DYSF: variants seen among roughly 807,000 people sequenced by gnomAD.
The protein encoded by DYSF is dystrophy-associated fer-1-like 1.
DYSF carries 212 observed loss-of-function variants against 274.9 expected under a neutral mutation model. The ratio of observed to expected loss-of-function variants is 0.77; its 90% confidence interval spans 0.69 to 0.86. The LOEUF (loss-of-function observed/expected upper bound fraction) is 0.86, where lower values mean the gene tolerates loss of function less well. DYSF is among the 40% of genes least tolerant of loss of function. The probability of loss-of-function intolerance (pLI) is 0.00; values close to 1 mark genes in which losing one functional copy is unlikely to be tolerated. For missense variants in DYSF, 2,666 were observed against 2,783.2 expected, an observed-to-expected ratio of 0.96 and a Z score of 0.95; for synonymous variants, 1,091 against 1,078.7, an observed-to-expected ratio of 1.01 and a Z score of -0.22.
At chr2:71,663,972 C>T (rs754293253) in intron 45 of DYSF, among the ~76,000 whole-genome samples, 5 of 152,196 alleles carry the variant, frequency 3.3e-5, no homozygotes, top group Non-Finnish European at 5.9e-5. Context: ...CTCCTGGTGT[C>T]GTGGTCAAAG....
intron 17 of DYSF, among the ~76,000 whole-genome samples, chr2:71,546,133 C>T (rs1007246684): frequency 5.3e-5 from 8 of 152,254 alleles, no homozygotes; most frequent in Non-Finnish European, 5.9e-5. Flanking sequence ...GGGCCAGGGC[C>T]TCTCTCCGGC....
At position 71,548,440 on chromosome 2, in the gene DYSF, A is replaced by T. The variant is rs147068934; in HGVS notation, c.1577-2601A>T. 2.0e-3 allele frequency among the ~76,000 whole-genome samples: 300 copies of T among 152,308 alleles called. 2 individuals are homozygous for T. The highest frequency in any genetic ancestry group is 6.4e-3 in the African/African-American group (266 of 41,566). On this transcript the variant is annotated intron_variant, in intron 17 of 55. Coordinates refer to ENST00000410020, the MANE Select transcript of DYSF (RefSeq NM_001130987.2). ...TTCACCAACCACATCCCGGGTGTGC[A>T]CGTGACCTCAGACTGCGTTACACTT...
intron 32 of DYSF, among the ~76,000 whole-genome samples, chr2:71,590,676 C>T (rs1337718534): frequency 6.6e-6 from 1 of 152,182 alleles, no homozygotes; most frequent in Non-Finnish European, 1.5e-5. Flanking sequence ...ACTTCTCCAC[C>T]TTCACTCACC....
intron 16 of DYSF, among the ~76,000 whole-genome samples, chr2:71,537,231 T>TTTTTG (rs2089456775): frequency 1.4e-5 from 2 of 140,372 alleles, no homozygotes; most frequent in Non-Finnish European, 3.1e-5. Flanking sequence ...TTGTTTTTTT[T>TTTTTG]TTTTTTTTTT....
At chr2:71,617,712 TGGG>T (rs1558634691) in intron 40 of DYSF, among the ~76,000 whole-genome samples, 1 of 51,806 alleles carries the variant, frequency 1.9e-5, no homozygotes, top group Non-Finnish European at 4.1e-5. Flanking sequence ...GTGGTAGAGG[TGGG>T]GTGTGTGTGT....
chr2:71,613,614 G>A (rs1477946279), intron 40 of DYSF, among the ~76,000 whole-genome samples: 1 of 152,186 alleles, frequency 6.6e-6, no homozygotes, highest in Non-Finnish European at 1.5e-5. Context: ...GCTCATCTGG[G>A]CAAGACTCAA....
At chr2:71,482,861 C>T (rs1265422704) in intron 3 of DYSF, among the ~76,000 whole-genome samples, 1 of 152,066 alleles carries the variant, frequency 6.6e-6, no homozygotes, top group Non-Finnish European at 1.5e-5. Flanking sequence ...GAGGTCTAGG[C>T]CCAAGCATCA....
chr2:71,458,382 A>G (rs2081155778), intron 1 of DYSF, among the ~76,000 whole-genome samples: 1 of 152,172 alleles, frequency 6.6e-6, no homozygotes, highest in South Asian at 2.1e-4. Context: ...TTCTATCCTC[A>G]GCTTTGTTTC....
At chr2:71,526,418 T>TGGGGGGGGGGG in intron 13 of DYSF, 72 bp downstream of exon 13, 9 of 261,482 alleles carry the variant, frequency 3.4e-5, no homozygotes, top group East Asian at 9.4e-5. Flanking sequence ...GGGTGGGCGA[T>TGGGGGGGGGGG]GGCGGGCGGG....
chr2:71,545,514 AAGG>A (rs2090396082), intron 17 of DYSF, among the ~76,000 whole-genome samples: 1 of 152,148 alleles, frequency 6.6e-6, no homozygotes, highest in African/African-American at 2.4e-5. Context: ...GATAGTTTCT[AAGG>A]AGGGCTGTCT....
chr2:71,659,097 AC>A, intron 44 of DYSF, 64 bp downstream of exon 44: 1 of 1,605,470 alleles, frequency 6.2e-7, no homozygotes, highest in Non-Finnish European at 8.5e-7. Flanking sequence ...GGCCTATAGA[AC>A]CTGGACACAA....
chr2:71,515,093 C>A (rs1029539717), intron 7 of DYSF, among the ~76,000 whole-genome samples: 1 of 151,950 alleles, frequency 6.6e-6, no homozygotes, highest in East Asian at 1.9e-4. Context: ...AATATCTTAC[C>A]TAATATTTGG....
At chr2:71,608,870 A>G (rs2093696570) in intron 36 of DYSF, among the ~76,000 whole-genome samples, 1 of 151,822 alleles carries the variant, frequency 6.6e-6, no homozygotes, top group Non-Finnish European at 1.5e-5. Context: ...GAACAAGTGT[A>G]TGAGAAAGAT....
Position 71,551,148 on chromosome 2 carries a change from A to G in DYSF, c.1684A>G (p.Thr562Ala). ...GFPDPYTELN[T>A]GKGEGVAYRG... The stretch of plus-strand genomic sequence containing the variant: ...CCCAGACCCCTACACAGAGCTCAAC[A>G]CAGGCAAGGTAAGCCGGCTGGAGCC... Residue 562 changes from threonine (T) to alanine (A), a missense_variant, in exon 18 of 56, where the codon ACA becomes GCA. Physicochemically the swap from Thr to Ala is moderately conservative, Grantham distance 58. Coordinates refer to ENST00000410020, the MANE Select transcript of DYSF (RefSeq NM_001130987.2). 6.2e-7 allele frequency: 1 copy of G among 1,614,136 alleles called. No individual in the cohort carries two copies. The highest frequency in any genetic ancestry group is 8.5e-7 in the Non-Finnish European group (1 of 1,180,000).
At chr2:71,495,746 A>G (rs1340136560) in intron 3 of DYSF, among the ~76,000 whole-genome samples, 1 of 151,950 alleles carries the variant, frequency 6.6e-6, no homozygotes, top group African/African-American at 2.4e-5. Context: ...GCACACCCAC[A>G]TTCTTCAGCT....
chr2:71,605,452 G>A (rs750478043), intron 36 of DYSF, among the ~76,000 whole-genome samples: 17 of 152,188 alleles, frequency 1.1e-4, no homozygotes, highest in Non-Finnish European at 1.9e-4. Flanking sequence ...GTCCCTGAAT[G>A]CCCAGGGCCC....
chr2:71,658,727 C>T (rs187029505), intron 43 of DYSF, 151 bp from the exon 44 acceptor site: 24 of 848,020 alleles, frequency 2.8e-5, no homozygotes, highest in Non-Finnish European at 4.0e-5. Flanking sequence ...GAAAGACTGG[C>T]CCCCATGATT....
intron 30 of DYSF, among the ~76,000 whole-genome samples, chr2:71,580,972 T>C (rs540392386): frequency 6.6e-6 from 1 of 152,350 alleles, no homozygotes; most frequent in South Asian, 2.1e-4. Context: ...TGGGTCATTG[T>C]ACATGCATGA....
At chr2:71,656,725 G>A (rs2094779979) in intron 43 of DYSF, among the ~76,000 whole-genome samples, 1 of 152,098 alleles carries the variant, frequency 6.6e-6, no homozygotes, top group Admixed American at 6.6e-5. Context: ...TGAGGAAGAA[G>A]CAAAAGCAGA....
Sources: gnomAD v4.1 joint callset for allele counts (sites outside exome capture counted in the v4.1 genomes callset) on GRCh38, gnomAD v4.1.1 for gene constraint, MANE v1.5 for transcripts, NCBI Gene and HGNC (gene_info 2026-07-23, HGNC 2026-07-21) for gene names.